LINGO2: variants seen among roughly 807,000 people sequenced by gnomAD.
The protein encoded by LINGO2 is leucine rich repeat and Ig domain containing 2, also known as leucine-rich repeat and immunoglobulin-like domain-containing nogo receptor-interacting protein 2.
LINGO2 carries 14 observed loss-of-function variants against 30.6 expected under a neutral mutation model. The ratio of observed to expected loss-of-function variants is 0.46; its 90% CI spans 0.30 to 0.72. LINGO2 has a LOEUF of 0.72. Ranked by LOEUF, LINGO2 falls within the 30% of genes least tolerant of loss-of-function variation. LINGO2 has a pLI of 0.07. For missense variants in LINGO2, 729 were observed against 751.7 expected, an observed-to-expected ratio of 0.97 and a Z score of 0.35; for synonymous variants, 317 against 288.5, an observed-to-expected ratio of 1.10 and a Z score of -1.00.
chr9:28,008,612 T>C (rs1222020117), intron 5 of LINGO2, among the ~76,000 whole-genome samples: 1 of 152,032 alleles, frequency 6.6e-6, no homozygotes, highest in Non-Finnish European at 1.5e-5. Flanking sequence ...GAATACAAGA[T>C]CAATATAAAT....
chr9:28,298,024 T>C (rs938008411), intron 3 of LINGO2, among the ~76,000 whole-genome samples: 19 of 152,172 alleles, frequency 1.2e-4, no homozygotes, highest in Non-Finnish European at 8.8e-5. Context: ...GTATTCTCCT[T>C]GAAGAGAAGT....
chr9:28,602,655 T>A (rs1825537924), intron 1 of LINGO2, among the ~76,000 whole-genome samples: 1 of 152,068 alleles, frequency 6.6e-6, no homozygotes. Flanking sequence ...GTTTATGTAT[T>A]TTTTTATTCT....
At chr9:28,886,404 G>A in the LINGO2 span, among the ~76,000 whole-genome samples, 3 of 152,164 alleles carry the variant, frequency 2.0e-5, 1 homozygote, top group South Asian at 6.2e-4. Context: ...GTAATTTGAA[G>A]AGCCAATTAA....
intron 4 of LINGO2, among the ~76,000 whole-genome samples, chr9:28,227,643 A>C (rs77012816): frequency 2.0e-5 from 3 of 149,550 alleles, no homozygotes; most frequent in Admixed American, 6.7e-5. Flanking sequence ...AAAAAAAAAA[A>C]GTATAAAATG....
At chr9:28,651,976 C>T (rs553924430) in intron 1 of LINGO2, among the ~76,000 whole-genome samples, 2 of 152,272 alleles carry the variant, frequency 1.3e-5, no homozygotes, top group East Asian at 3.9e-4. Context: ...CTACCTAATT[C>T]ACAAACACAC....
At chr9:28,731,007 T>C in the LINGO2 span, among the ~76,000 whole-genome samples, 1 of 152,036 alleles carries the variant, frequency 6.6e-6, no homozygotes, top group African/African-American at 2.4e-5. Context: ...TTTTTTTTTT[T>C]GAAACAGAGT....
chr9:27,958,802 C>T (rs190926706), intron 5 of LINGO2, among the ~76,000 whole-genome samples: 1 of 152,032 alleles, frequency 6.6e-6, no homozygotes, highest in Non-Finnish European at 1.5e-5. Flanking sequence ...TCTCACAAAG[C>T]CAGTTAGAAA....
At chr9:29,167,335 G>C in the LINGO2 span, among the ~76,000 whole-genome samples, 1 of 152,086 alleles carries the variant, frequency 6.6e-6, no homozygotes, top group Non-Finnish European at 1.5e-5. Context: ...TAGCACTTCT[G>C]TTTTCGTACT....
intron 1 of LINGO2, among the ~76,000 whole-genome samples, chr9:28,641,454 A>T (rs568189112): frequency 6.6e-6 from 1 of 152,168 alleles, no homozygotes; most frequent in Non-Finnish European, 1.5e-5. Flanking sequence ...GCCCCAAGAA[A>T]GTCACTAGTG....
the LINGO2 span, among the ~76,000 whole-genome samples, chr9:28,898,994 T>C: frequency 6.6e-6 from 1 of 152,134 alleles, no homozygotes; most frequent in East Asian, 1.9e-4. Context: ...ACATCAGCAA[T>C]AGGTGGAGTA....
intron 4 of LINGO2, among the ~76,000 whole-genome samples, chr9:28,059,144 C>T (rs574321435): frequency 6.6e-6 from 1 of 152,206 alleles, no homozygotes; most frequent in South Asian, 2.1e-4. Context: ...GACTTTCTGG[C>T]TCCTTGCTTC....
intron 2 of LINGO2, among the ~76,000 whole-genome samples, chr9:28,399,509 A>G (rs1411335684): frequency 6.6e-6 from 1 of 152,218 alleles, no homozygotes; most frequent in African/African-American, 2.4e-5. Flanking sequence ...GATGAGAAAT[A>G]GAAACATAGG....
chr9:27,949,638 C>A (rs763633223), exon 6 of LINGO2: 8 of 1,614,052 alleles, frequency 5.0e-6, no homozygotes, highest in Non-Finnish European at 6.8e-6. Context: ...CTCCAGAGCC[C>A]TAGGGGAGGA....
the LINGO2 span, among the ~76,000 whole-genome samples, chr9:28,738,802 C>T: frequency 3.9e-5 from 6 of 151,926 alleles, no homozygotes; most frequent in Admixed American, 3.9e-4. Context: ...TTTGTCAATA[C>T]AGTCCAGTAG....
the LINGO2 span, among the ~76,000 whole-genome samples, chr9:28,997,697 C>T: frequency 6.6e-6 from 1 of 151,970 alleles, no homozygotes; most frequent in Non-Finnish European, 1.5e-5. Flanking sequence ...GTAGTGGGCA[C>T]CTATAGTCCC....
chr9:28,695,826 A>G, the LINGO2 span, among the ~76,000 whole-genome samples: 1 of 151,394 alleles, frequency 6.6e-6, no homozygotes, highest in Non-Finnish European at 1.5e-5. Flanking sequence ...TTTTTTTGCA[A>G]TTAAAAACAA....
At chr9:29,031,067 T>C in the LINGO2 span, among the ~76,000 whole-genome samples, 3 of 152,122 alleles carry the variant, frequency 2.0e-5, no homozygotes, top group Non-Finnish European at 2.9e-5. Flanking sequence ...TATTGATTTA[T>C]TGAAGAAAAA....
chr9:28,840,791 T>C, the LINGO2 span, among the ~76,000 whole-genome samples: 1 of 151,934 alleles, frequency 6.6e-6, no homozygotes. Context: ...CAGTTTAAGA[T>C]GCATTGTAAG....
intron 3 of LINGO2, among the ~76,000 whole-genome samples, chr9:28,311,027 C>A (rs145510179): frequency 1.3e-5 from 2 of 152,058 alleles, no homozygotes; most frequent in African/African-American, 2.4e-5. Flanking sequence ...CATGTAGATT[C>A]TTTTCTATTT....
Sources: gnomAD v4.1 joint callset for allele counts (sites outside exome capture counted in the v4.1 genomes callset) on GRCh38, gnomAD v4.1.1 for gene constraint, MANE v1.5 for transcripts, NCBI Gene and HGNC (gene_info 2026-07-23, HGNC 2026-07-21) for gene names.